SPIN1: variants seen among roughly 807,000 people sequenced by gnomAD.
SPIN1 encodes spindlin 1, also known as spindlin-1.
Under a neutral mutation model 26.0 loss-of-function variants are expected in SPIN1, and 3 were observed. The observed-to-expected ratio is 0.12, with a 90% CI of 0.05 to 0.30. The LOEUF is 0.30. Ranked by LOEUF, SPIN1 falls within the 10% of genes least tolerant of loss-of-function variation. SPIN1 has a pLI of 1.00. For synonymous variants in SPIN1, 101 were observed against 116.5 expected (o/e 0.87, Z 0.86); for missense variants, 126 against 333.4 (o/e 0.38, Z 4.84).
chr9:88,469,924 A>C (rs1828745304), intron 5 of SPIN1, among the ~76,000 whole-genome samples: 1 of 152,142 alleles, frequency 6.6e-6, no homozygotes, highest in Admixed American at 6.6e-5. Context: ...AGTCGATTTT[A>C]GAACATTGTC....
At chr9:88,401,706 T>C (rs1051108939) in intron 1 of SPIN1, among the ~76,000 whole-genome samples, 1 of 152,226 alleles carries the variant, frequency 6.6e-6, no homozygotes, top group African/African-American at 2.4e-5. Flanking sequence ...TCCACAGATG[T>C]GGAGCTGAAG....
chr9:88,432,257 T>G (rs1246279243), intron 2 of SPIN1, among the ~76,000 whole-genome samples: 1 of 139,544 alleles, frequency 7.2e-6, no homozygotes, highest in African/African-American at 2.7e-5. Flanking sequence ...TGGCATGATC[T>G]CAGCTCACTG....
rs1828912611 is a variant in SPIN1 at position 88,477,704 on chromosome 9, G to C, written c.*2427G>C. 2 of 152,578 alleles carry C rather than the reference G, an allele frequency of 1.3e-5. No homozygotes were observed. Among genetic ancestry groups the C allele is most frequent in the South Asian group, 4.1e-4 (2 of 4,826 alleles). The allele number at this position is 152,578 out of a possible 1,614,324, so 9.5% of individuals were successfully genotyped here. On this transcript the variant is annotated 3_prime_UTR_variant, in exon 6 of 6. Transcript: ENST00000375859. Reference sequence around the variant, plus strand: ...CATTGCTTGCATTTTTCTGGTATCTGAATGTTGGTTCCTTGTTCCAGGAAT... The same window carrying C: ...CATTGCTTGCATTTTTCTGGTATCTCAATGTTGGTTCCTTGTTCCAGGAAT...
At chr9:88,434,769 A>G (rs1369231366) in intron 2 of SPIN1, among the ~76,000 whole-genome samples, 1 of 152,154 alleles carries the variant, frequency 6.6e-6, no homozygotes, top group Non-Finnish European at 1.5e-5. Context: ...GATAATAGCT[A>G]CAATGAGCTG....
At chr9:88,396,276 A>G (rs1252050756) in intron 1 of SPIN1, among the ~76,000 whole-genome samples, 1 of 151,122 alleles carries the variant, frequency 6.6e-6, no homozygotes, top group East Asian at 2.0e-4. Flanking sequence ...GGCAGATCTG[A>G]CCATGTCAGC....
At chr9:88,463,614 T>C (rs1287492276) in intron 4 of SPIN1, among the ~76,000 whole-genome samples, 2 of 152,224 alleles carry the variant, frequency 1.3e-5, no homozygotes, top group East Asian at 1.9e-4. Context: ...CCCTGGGATA[T>C]AACGAGTTTC....
intron 4 of SPIN1, among the ~76,000 whole-genome samples, chr9:88,465,479 A>AGT (rs1828649779): frequency 6.6e-6 from 1 of 152,094 alleles, no homozygotes; most frequent in Non-Finnish European, 1.5e-5. Context: ...TTTTTGTCAT[A>AGT]GTGGTCATCC....
intron 1 of SPIN1, among the ~76,000 whole-genome samples, chr9:88,423,884 G>C (rs1827717858): frequency 2.6e-5 from 4 of 152,120 alleles, no homozygotes; most frequent in Admixed American, 2.6e-4. Context: ...TCCTGCCTCA[G>C]CATCTCGAGT....
chr9:88,428,596 G>A (rs1827804897), intron 2 of SPIN1, among the ~76,000 whole-genome samples: 1 of 152,162 alleles, frequency 6.6e-6, no homozygotes. Flanking sequence ...GCTGAGTAAA[G>A]TGATGTGTAA....
chr9:88,425,255 A>G (rs181643373), intron 1 of SPIN1, among the ~76,000 whole-genome samples: 2 of 152,252 alleles, frequency 1.3e-5, no homozygotes, highest in Non-Finnish European at 2.9e-5. Flanking sequence ...GCAGCTGGAT[A>G]GGCTCTCAGG....
intron 3 of SPIN1, among the ~76,000 whole-genome samples, chr9:88,461,765 C>T (rs1587813414): frequency 6.6e-6 from 1 of 152,072 alleles, no homozygotes; most frequent in African/African-American, 2.4e-5. Context: ...TTCCTGATAT[C>T]AAGAGCCAGG....
At chr9:88,414,477 C>T (rs570342894) in intron 1 of SPIN1, among the ~76,000 whole-genome samples, 1 of 152,356 alleles carries the variant, frequency 6.6e-6, no homozygotes, top group South Asian at 2.1e-4. Flanking sequence ...TCCAGTCTCT[C>T]TGTTATACCA....
intron 3 of SPIN1, among the ~76,000 whole-genome samples, chr9:88,459,526 C>T (rs1405858987): frequency 6.6e-6 from 1 of 151,734 alleles, no homozygotes; most frequent in Non-Finnish European, 1.5e-5. Flanking sequence ...CTCTACAATC[C>T]TAATTTTAAT....
intron 1 of SPIN1, among the ~76,000 whole-genome samples, chr9:88,397,132 A>G (rs943026194): frequency 1.3e-5 from 2 of 152,130 alleles, no homozygotes; most frequent in Non-Finnish European, 2.9e-5. Flanking sequence ...CACTAAATTT[A>G]TAAAAAGTTT....
chr9:88,468,571 C>T lies in SPIN1; in HGVS notation c.555C>T (p.Tyr185=), dbSNP rs1828716285. ...ACATGTACCAACTCTTAGATGATTACAAAGAAGGCGACCTTCGCATTATGC... is the reference window on the plus strand; with the variant it reads ...ACATGTACCAACTCTTAGATGATTATAAAGAAGGCGACCTTCGCATTATGC... ...VLYMYQLLDD[Y]KEGDLRIMPD... Residue 185 remains tyrosine (Y), a synonymous_variant, in exon 5 of 6, where the codon TAC becomes TAT. Coordinates refer to ENST00000375859, the MANE Select transcript of SPIN1 (RefSeq NM_006717.3). The T allele has an allele frequency of 1.3e-6, 2 of 1,579,422 alleles. No homozygotes were observed. The highest frequency in any genetic ancestry group is 4.6e-5 in the East Asian group (2 of 43,914).
In SPIN1 at chr9:88,475,262, G is replaced by A; in HGVS notation, c.774G>A (p.Leu258=). 6.2e-7 allele frequency: 1 copy of A among 1,613,316 alleles called. No individual in the cohort carries two copies. Among genetic ancestry groups the A allele is most frequent in the East Asian group, 2.2e-5 (1 of 44,870 alleles). ...ATTTCCATATTTATGTCTACGATTT[G>A]GTGAAAACATCCTAGATGTCATCAC... ...DDDFHIYVYD[L]VKTS Residue 258 remains leucine (L), a synonymous_variant, in exon 6 of 6, where the codon TTG becomes TTA. Coordinates refer to ENST00000375859, the MANE Select transcript of SPIN1 (RefSeq NM_006717.3).
At chr9:88,438,536 G>GTT (rs1185848239) in intron 2 of SPIN1, among the ~76,000 whole-genome samples, 6 of 152,178 alleles carry the variant, frequency 3.9e-5, no homozygotes, top group Non-Finnish European at 7.3e-5. Flanking sequence ...GTTGGGCAAA[G>GTT]TAGTCTTTAG....
intron 5 of SPIN1, among the ~76,000 whole-genome samples, chr9:88,469,041 G>T (rs1828724802): frequency 6.6e-6 from 1 of 152,138 alleles, no homozygotes; most frequent in African/African-American, 2.4e-5. Flanking sequence ...GTAAATACTT[G>T]AACTTCAGAG....
chr9:88,432,039 A>G lies in SPIN1; in HGVS notation c.52+5448A>G, dbSNP rs183775820. ...GGTGACAGACTGTCCAGAAAAAAAA[A>G]TAGATTTATTCTGTAACAGTGTGGA... On this transcript the variant is annotated intron_variant, in intron 2 of 5. Transcript: ENST00000375859. 3.3e-3 allele frequency among the ~76,000 whole-genome samples: 502 copies of G among 152,220 alleles called. 3 individuals carry two copies. The highest frequency in any genetic ancestry group is 0.011 in the African/African-American group (465 of 41,520).
Sources: allele counts gnomAD v4.1 joint callset (sites outside exome capture counted in the v4.1 genomes callset), GRCh38; gene constraint gnomAD v4.1.1; transcripts MANE v1.5; gene names NCBI Gene and HGNC (gene_info 2026-07-23, HGNC 2026-07-21).